The following UTP4 variants were observed in gnomAD, a reference collection of about 807,000 sequenced individuals.
UTP4 encodes the protein UTP4 small subunit processome component, also known as U3 small nucleolar RNA-associated protein 4 homolog.
Under a neutral mutation model 82.4 loss-of-function variants are expected in UTP4, and 45 were observed. That is an observed-to-expected ratio of 0.55 (90% CI 0.43 to 0.70). UTP4 has a LOEUF of 0.70. Among genes scored for constraint, UTP4 ranks in the 30% least tolerant of loss-of-function variants. The pLI is 0.00. For synonymous variants in UTP4, 348 were observed against 300.3 expected (o/e 1.16, Z -1.64); for missense variants, 819 against 858.3 (o/e 0.95, Z 0.57).
chr16:69,158,272 A>C (rs1386543738), intron 12 of UTP4, among the ~76,000 whole-genome samples: 1 of 140,030 alleles, frequency 7.1e-6, no homozygotes. Context: ...CCCCAGGCTC[A>C]GAAAATCCTT....
chr16:69,150,471 C>T lies in UTP4; in HGVS notation c.739-66C>T, dbSNP rs1026321532. Reference sequence around the variant, plus strand: ...CCTAAGCTGCTGAGACAGAAAGCCTCGGAATATTTTTCCAACCAGACCTTG... The same window carrying T: ...CCTAAGCTGCTGAGACAGAAAGCCTTGGAATATTTTTCCAACCAGACCTTG... On this transcript the variant is annotated intron_variant, in intron 6 of 16. Coordinates refer to ENST00000314423, the MANE Select transcript of UTP4 (RefSeq NM_032830.3). 2.5e-5 allele frequency: 40 copies of T among 1,569,274 alleles called. No individual in the cohort carries two copies. The South Asian group carries it at 2.6e-4, about 10-fold the overall frequency.
In UTP4 at chr16:69,160,413, C is replaced by T. The variant is rs1428853270; in HGVS notation, c.1502C>T (p.Ala501Val). ...AGTCCAGATGGGAATTGGCTAGCTG[C>T]ATCAGGTACCAGTGCTGGAGTCCAT... The part of the protein sequence containing the change: ...AVSPDGNWLA[A>V]SGTSAGVHVY... Residue 501 changes from alanine to valine, a missense_variant, in exon 13 of 17, where the codon GCA becomes GTA. Ala to Val is a moderately conservative substitution (Grantham distance 64, BLOSUM62 0). Transcript: ENST00000314423. 1.9e-6 allele frequency: 3 copies of T among 1,613,988 alleles called. No individual in the cohort carries two copies. The highest frequency in any genetic ancestry group is 3.3e-5 in the Admixed American group (2 of 59,986).
At chr16:69,165,294 C>T (rs1253571049) in intron 14 of UTP4, 47 bp from the exon 15 acceptor site, 1 of 1,556,736 alleles carries the variant, frequency 6.4e-7, no homozygotes, top group Middle Eastern at 1.7e-4. Flanking sequence ...CCCTTCTGGT[C>T]TTTCTGAGTA....
chr16:69,153,638 C>G lies in UTP4; in HGVS notation c.1057C>G (p.His353Asp). 6.2e-7 allele frequency: 1 copy of G among 1,613,530 alleles called. No individual in the cohort carries two copies. Among genetic ancestry groups the G allele is most frequent in the South Asian group, 1.1e-5 (1 of 90,862 alleles). Reference sequence around the variant, plus strand: ...GCAGCTTCTCCTCTTCCAGTTTGCTCATCACTTAGAACTTTGGCGACTGGG... The same window carrying G: ...GCAGCTTCTCCTCTTCCAGTTTGCTGATCACTTAGAACTTTGGCGACTGGG... Reference protein sequence around the residue: ...KRQLLLFQFAHHLELWRLGST... With the variant: ...KRQLLLFQFADHLELWRLGST... The change falls in exon 9 of 17, where the codon CAT (histidine) becomes GAT (aspartate). Residue 353 changes from histidine to aspartate, a missense_variant. By Grantham distance (81) the His-to-Asp change is moderately conservative. Coordinates refer to ENST00000314423, the MANE Select transcript of UTP4 (RefSeq NM_032830.3).
At chr16:69,153,703 T>C in intron 9 of UTP4, 23 bp downstream of exon 9, 1 of 1,520,462 alleles carries the variant, frequency 6.6e-7, no homozygotes, top group Non-Finnish European at 9.1e-7. Flanking sequence ...CACGTTTTTT[T>C]CAATAAGAAA....
rs1963608542 is a variant in UTP4 at position 69,163,176 on chromosome 16, C to T, written c.1645C>T (p.Gln549Ter). 6.2e-7 allele frequency: 1 copy of T among 1,609,862 alleles called. No homozygotes were observed. The highest frequency in any genetic ancestry group is 1.3e-5 in the African/African-American group (1 of 74,812). Residue 549 changes from glutamine (Q) to a stop codon, truncating the protein, a stop_gained and splice_region_variant, in exon 14 of 17, where the codon CAG becomes TAG. Transcript: ENST00000314423. LOFTEE classifies it high-confidence loss of function. ...NNLVIAHSDQ[Q>*]VFEYSIPDKQ... Reference sequence around the variant, plus strand: ...CCTTGTCATCGCTCATTCGGACCAGCAGGTAAGGGAGATTCCAGTGCTTTC... The same window carrying T: ...CCTTGTCATCGCTCATTCGGACCAGTAGGTAAGGGAGATTCCAGTGCTTTC...
intron 12 of UTP4, 59 bp downstream of exon 12, chr16:69,157,299 G>A: frequency 1.3e-6 from 2 of 1,577,154 alleles, no homozygotes; most frequent in East Asian, 4.6e-5. Flanking sequence ...TAACTTTTTT[G>A]CTTTTAAGCC....
At chr16:69,166,881 T>G in intron 15 of UTP4, 194 bp from the exon 16 acceptor site, 2 of 592,558 alleles carry the variant, frequency 3.4e-6, no homozygotes, top group East Asian at 5.7e-5. Context: ...CTTTTCTTCT[T>G]TTTTTCCCCC....
At chr16:69,164,586 T>TTATATATATATATA (rs58927210) in intron 14 of UTP4, among the ~76,000 whole-genome samples, 17 of 132,506 alleles carry the variant, frequency 1.3e-4, no homozygotes, top group South Asian at 7.2e-4. Flanking sequence ...TAATCATTCT[T>TTATATATATATATA]TATATATATA....
At chr16:69,162,871 C>G (rs1214200212) in intron 13 of UTP4, among the ~76,000 whole-genome samples, 1 of 124,888 alleles carries the variant, frequency 8.0e-6, no homozygotes, top group African/African-American at 3.1e-5. Flanking sequence ...GCCTGGGTGA[C>G]AAGAGCGAAA....
chr16:69,137,185 GGTAAAT>G (rs1353733848), intron 3 of UTP4, among the ~76,000 whole-genome samples: 1 of 152,144 alleles, frequency 6.6e-6, no homozygotes, highest in African/African-American at 2.4e-5. Flanking sequence ...TGTGTTTTAT[GGTAAAT>G]TTCATTTCAC....
At chr16:69,151,868 A>G (rs1331994931) in intron 8 of UTP4, among the ~76,000 whole-genome samples, 2 of 151,162 alleles carry the variant, frequency 1.3e-5, no homozygotes, top group Non-Finnish European at 2.9e-5. Flanking sequence ...GGAGCGGGAA[A>G]ACCCAGGCTT....
intron 12 of UTP4, among the ~76,000 whole-genome samples, chr16:69,159,652 C>T (rs908981317): frequency 6.6e-6 from 1 of 151,664 alleles, no homozygotes; most frequent in Non-Finnish European, 1.5e-5. Flanking sequence ...TGCACCACTG[C>T]ACTCCAGCCT....
At chr16:69,160,333 A>G in intron 12 of UTP4, 23 bp from the exon 13 acceptor site, 2 of 1,579,548 alleles carry the variant, frequency 1.3e-6, no homozygotes, top group Non-Finnish European at 1.7e-6. Flanking sequence ...GAATTCAGAG[A>G]TGTAACTGTT....
chr16:69,144,536 C>T (rs989454527), intron 6 of UTP4, among the ~76,000 whole-genome samples: 1 of 152,204 alleles, frequency 6.6e-6, no homozygotes, highest in Non-Finnish European at 1.5e-5. Context: ...AACGTGAATT[C>T]TCATTCAGAA....
rs148210219 is a variant in UTP4, at chr16:69,151,684, C to T, written c.1002+780C>T. 1.1e-3 allele frequency among the ~76,000 whole-genome samples: 166 copies of T among 151,254 alleles called. 3 individuals carry two copies. The Middle Eastern group carries it at 0.024, about 22-fold the overall frequency. On this transcript the variant is annotated intron_variant, in intron 8 of 16. Coordinates refer to ENST00000314423, the MANE Select transcript of UTP4 (RefSeq NM_032830.3). The stretch of plus-strand genomic sequence containing the variant: ...ATATTGTAGGACTTTCTGTAGCTAC[C>T]TTCTTCATTCCTTCTGTTTTTGAGG...
chr16:69,149,429 A>T (rs990036528), intron 6 of UTP4, among the ~76,000 whole-genome samples: 1 of 152,012 alleles, frequency 6.6e-6, no homozygotes, highest in Non-Finnish European at 1.5e-5. Context: ...GTGTGCCTGT[A>T]ATCCCAGCTA....
chr16:69,168,172 C>T (rs1963746587), intron 16 of UTP4, among the ~76,000 whole-genome samples: 1 of 151,910 alleles, frequency 6.6e-6, no homozygotes, highest in Non-Finnish European at 1.5e-5. Context: ...CGCAGTGGCT[C>T]ACGCCTGTAA....
intron 14 of UTP4, among the ~76,000 whole-genome samples, chr16:69,163,958 T>A (rs1567382296): frequency 6.7e-6 from 1 of 149,114 alleles, no homozygotes; most frequent in South Asian, 2.1e-4. Context: ...CGATCTCCGA[T>A]CACTGCAAGC....
Sources: gnomAD v4.1 joint callset for allele counts (sites outside exome capture counted in the v4.1 genomes callset) on GRCh38, gnomAD v4.1.1 for gene constraint, MANE v1.5 for transcripts, NCBI Gene and HGNC (gene_info 2026-07-23, HGNC 2026-07-21) for gene names.